TBC1D19: variants seen among roughly 807,000 people sequenced by gnomAD.
The protein encoded by TBC1D19 is TBC1 domain family, member 19.
A neutral mutation model predicts 89.0 loss-of-function variants in TBC1D19; 60 were observed. The observed-to-expected ratio is 0.67, with a 90% CI of 0.55 to 0.84. The LOEUF (loss-of-function observed/expected upper bound fraction) is 0.84, where lower values mean the gene tolerates loss of function less well. Ranked by LOEUF, TBC1D19 falls within the 40% of genes least tolerant of loss-of-function variation. The pLI, the probability that TBC1D19 is intolerant of heterozygous loss-of-function variation, is 0.00. For synonymous variants in TBC1D19, 189 were observed against 199.7 expected (o/e 0.95, Z 0.45); for missense variants, 500 against 610.8 (o/e 0.82, Z 1.91).
intron 11 of TBC1D19, among the ~76,000 whole-genome samples, chr4:26,679,973 C>G (rs1257707015): frequency 6.6e-6 from 1 of 152,156 alleles, no homozygotes; most frequent in Non-Finnish European, 1.5e-5. Flanking sequence ...TGGATGGGAC[C>G]AGGTGGACAT....
the TBC1D19 span, among the ~76,000 whole-genome samples, chr4:26,771,176 TA>T: frequency 2.0e-3 from 289 of 141,466 alleles, no homozygotes; most frequent in African/African-American, 3.0e-3. Context: ...GTGTCTATTA[TA>T]AAAAAAAAAA....
At chr4:26,680,405 CCTT>C (rs1485006775) in intron 11 of TBC1D19, among the ~76,000 whole-genome samples, 1 of 152,120 alleles carries the variant, frequency 6.6e-6, no homozygotes, top group East Asian at 1.9e-4. Context: ...TCTACTCACT[CCTT>C]CTCATAGCAC....
the TBC1D19 span, among the ~76,000 whole-genome samples, chr4:26,781,402 C>T: frequency 0.35 from 53,882 of 151,866 alleles, 9,724 homozygotes; most frequent in East Asian, 0.48. Context: ...ACCTCTAAGA[C>T]GGGGGAAATA....
intron 1 of TBC1D19, among the ~76,000 whole-genome samples, chr4:26,591,693 G>C (rs2109952083): frequency 6.6e-6 from 1 of 152,264 alleles, no homozygotes; most frequent in South Asian, 2.1e-4. Context: ...ACTACCATCA[G>C]AGAATACTAT....
intron 15 of TBC1D19, among the ~76,000 whole-genome samples, chr4:26,734,887 CGTAT>C (rs1386693347): frequency 3.5e-5 from 4 of 115,506 alleles, no homozygotes; most frequent in South Asian, 6.1e-4. Context: ...TATATGTATA[CGTAT>C]GTGTGTGTAT....
intron 4 of TBC1D19, among the ~76,000 whole-genome samples, chr4:26,628,981 A>T (rs1404826022): frequency 1.3e-5 from 2 of 152,106 alleles, no homozygotes; most frequent in Non-Finnish European, 2.9e-5. Context: ...ATTCTTTATT[A>T]TGGCTTACAA....
At chr4:26,657,505 T>A (rs1744938297) in intron 7 of TBC1D19, among the ~76,000 whole-genome samples, 1 of 152,218 alleles carries the variant, frequency 6.6e-6, no homozygotes, top group Admixed American at 6.5e-5. Context: ...TTTGGGTTGG[T>A]TCCAAGTCTT....
intron 7 of TBC1D19, among the ~76,000 whole-genome samples, chr4:26,650,195 C>G (rs573302331): frequency 6.6e-6 from 1 of 152,086 alleles, no homozygotes; most frequent in East Asian, 1.9e-4. Flanking sequence ...GTCTTTATAG[C>G]AGCATGATTT....
At chr4:26,679,347 C>T (rs923195957) in intron 11 of TBC1D19, among the ~76,000 whole-genome samples, 1 of 152,202 alleles carries the variant, frequency 6.6e-6, no homozygotes, top group African/African-American at 2.4e-5. Context: ...CAGGCCACTG[C>T]TTCAGAGGGT....
At chr4:26,851,780 G>A in the TBC1D19 span, among the ~76,000 whole-genome samples, 2 of 152,056 alleles carry the variant, frequency 1.3e-5, no homozygotes, top group Admixed American at 6.6e-5. Context: ...GCAATGGTAC[G>A]ATCTTGGCTT....
the TBC1D19 span, among the ~76,000 whole-genome samples, chr4:26,772,924 A>T: frequency 6.6e-6 from 1 of 152,220 alleles, no homozygotes. Context: ...TGCAATGAAC[A>T]TATGCATGAA....
rs138574520 is a variant in TBC1D19, at chr4:26,710,981, C to T, written c.955-6952C>T. Among the ~76,000 whole-genome samples, 1,146 of 152,248 alleles carry T rather than the reference C, an allele frequency of 7.5e-3. 35 individuals are homozygous for T. The highest frequency in any genetic ancestry group is 0.067 in the East Asian group (348 of 5,182). On this transcript the variant is annotated intron_variant, in intron 13 of 20. Coordinates refer to ENST00000264866, the MANE Select transcript of TBC1D19 (RefSeq NM_018317.4). ...AATTTTCTCCCATTCTGTAGGTTGC[C>T]TGTTCACTCTGATGGTGGTTTCTTT...
intron 17 of TBC1D19, chr4:26,740,730 C>A: frequency 1.0e-6 from 1 of 985,312 alleles, no homozygotes; most frequent in Middle Eastern, 5.2e-4. Flanking sequence ...GACTGCTACT[C>A]CAGGTGAAAC....
the TBC1D19 span, among the ~76,000 whole-genome samples, chr4:26,800,766 G>C: frequency 6.6e-6 from 1 of 152,294 alleles, no homozygotes; most frequent in African/African-American, 2.4e-5. Flanking sequence ...GTGATGATGA[G>C]CATTTTTTTC....
At chr4:26,734,921 T>C (rs1338659229) in intron 15 of TBC1D19, among the ~76,000 whole-genome samples, 1 of 151,302 alleles carries the variant, frequency 6.6e-6, no homozygotes, top group Non-Finnish European at 1.5e-5. Context: ...CATGTGTACA[T>C]ACACATATAT....
the TBC1D19 span, among the ~76,000 whole-genome samples, chr4:26,802,900 C>A: frequency 3.3e-5 from 5 of 152,170 alleles, no homozygotes; most frequent in Admixed American, 2.0e-4. Context: ...TAGGTTCTGG[C>A]GAGGCCTCTT....
upstream of TBC1D19, among the ~76,000 whole-genome samples, chr4:26,581,383 A>T (rs1176020851): frequency 6.6e-6 from 1 of 151,854 alleles, no homozygotes; most frequent in Non-Finnish European, 1.5e-5. Flanking sequence ...CTTGCCCCCC[A>T]TCCCCTAACA....
the TBC1D19 span, among the ~76,000 whole-genome samples, chr4:26,761,241 T>C: frequency 6.6e-6 from 1 of 152,324 alleles, no homozygotes; most frequent in East Asian, 1.9e-4. Flanking sequence ...AAGTAAAAAG[T>C]CTGCGTTAAT....
At chr4:26,697,473 A>G (rs12492939) in intron 13 of TBC1D19, among the ~76,000 whole-genome samples, 1 of 152,198 alleles carries the variant, frequency 6.6e-6, no homozygotes, top group Admixed American at 6.5e-5. Context: ...AACTATTCCA[A>G]TCAATAGAAA....
Sources: allele counts gnomAD v4.1 joint callset (sites outside exome capture counted in the v4.1 genomes callset), GRCh38; gene constraint gnomAD v4.1.1; transcripts MANE v1.5; gene names NCBI Gene and HGNC (gene_info 2026-07-23, HGNC 2026-07-21).